The following TMEM232 variants were observed in gnomAD, a reference collection of about 807,000 sequenced individuals.
TMEM232 encodes the protein transmembrane protein 232.
A neutral mutation model predicts 78.8 loss-of-function variants in TMEM232; 80 were observed. That is an observed-to-expected ratio of 1.01 (90% CI 0.85 to 1.22). TMEM232 has a LOEUF of 1.22. TMEM232 is among the 50% of genes most tolerant of loss of function. TMEM232 has a pLI of 0.00. For missense variants in TMEM232, 881 were observed against 742.2 expected, an observed-to-expected ratio of 1.19 and a Z score of -2.17; for synonymous variants, 297 against 254.3, an observed-to-expected ratio of 1.17 and a Z score of -1.60.
intron 8 of TMEM232, among the ~76,000 whole-genome samples, chr5:110,609,644 C>T (rs1395804680): frequency 1.3e-5 from 2 of 152,016 alleles, no homozygotes; most frequent in African/African-American, 2.4e-5. Context: ...TACAGAAGTG[C>T]ATTTTTTCCT....
chr5:110,601,087 G>A (rs1036685349), intron 10 of TMEM232, among the ~76,000 whole-genome samples: 10 of 152,110 alleles, frequency 6.6e-5, no homozygotes, highest in African/African-American at 2.4e-4. Context: ...TGCAGAAAAG[G>A]CCTTTGATAA....
chr5:110,489,965 A>T (rs914540146), intron 12 of TMEM232, among the ~76,000 whole-genome samples: 1 of 151,886 alleles, frequency 6.6e-6, no homozygotes, highest in Non-Finnish European at 1.5e-5. Context: ...CTCTACTAAA[A>T]ATAGAAAAAT....
rs138204812 is a variant in TMEM232 at position 110,516,772 on chromosome 5, G to A, written c.1703+11816C>T. On this transcript the variant is annotated intron_variant, in intron 12 of 13. Transcript: ENST00000455884. Reference sequence around the variant, plus strand: ...GCAAGCCATTCAGAGCAAAACATGTGTTCATAGACAAATTAAAGACAAAAT... The same window carrying A: ...GCAAGCCATTCAGAGCAAAACATGTATTCATAGACAAATTAAAGACAAAAT... Among the ~76,000 whole-genome samples, 485 of 152,130 alleles carry A rather than the reference G, an allele frequency of 3.2e-3. 2 individuals carry two copies. Among genetic ancestry groups the A allele is most frequent in the African/African-American group, 0.011 (467 of 41,512 alleles).
intron 12 of TMEM232, among the ~76,000 whole-genome samples, chr5:110,498,650 T>G (rs1221224530): frequency 6.6e-6 from 1 of 152,154 alleles, no homozygotes; most frequent in Non-Finnish European, 1.5e-5. Flanking sequence ...TGACTTCACT[T>G]AAGGGAACAC....
chr5:110,505,496 TTTTTC>T (rs1400907088), intron 12 of TMEM232, among the ~76,000 whole-genome samples: 1 of 152,032 alleles, frequency 6.6e-6, no homozygotes, highest in African/African-American at 2.4e-5. Flanking sequence ...ATACACATTG[TTTTTC>T]TTTTCTTTTC....
At chr5:110,455,066 G>A (rs2149343337) in intron 12 of TMEM232, among the ~76,000 whole-genome samples, 1 of 152,134 alleles carries the variant, frequency 6.6e-6, no homozygotes, top group South Asian at 2.1e-4. Flanking sequence ...CAAATTCCTT[G>A]AAAGGTATAA....
chr5:110,633,780 A>T (rs1366061989), intron 5 of TMEM232, among the ~76,000 whole-genome samples: 1 of 152,192 alleles, frequency 6.6e-6, no homozygotes, highest in Non-Finnish European at 1.5e-5. Context: ...TCTTTATAGC[A>T]GTGTGAAAAT....
chr5:110,724,296 C>A (rs1319762849), intron 1 of TMEM232, among the ~76,000 whole-genome samples: 1 of 152,172 alleles, frequency 6.6e-6, no homozygotes, highest in African/African-American at 2.4e-5. Flanking sequence ...GTAAACCACA[C>A]TGTAGAACAA....
At chr5:110,591,994 T>C (rs1164184432) in intron 10 of TMEM232, among the ~76,000 whole-genome samples, 2 of 152,264 alleles carry the variant, frequency 1.3e-5, no homozygotes, top group Admixed American at 6.5e-5. Flanking sequence ...TTATTACTAA[T>C]GATCATGCAT....
At chr5:110,584,967 A>T (rs1205220396) in intron 10 of TMEM232, among the ~76,000 whole-genome samples, 2 of 152,262 alleles carry the variant, frequency 1.3e-5, no homozygotes, top group East Asian at 3.9e-4. Context: ...AATACTTTGG[A>T]AACATTGCAT....
intron 1 of TMEM232, among the ~76,000 whole-genome samples, chr5:110,715,260 T>A (rs905817468): frequency 1.3e-5 from 2 of 151,726 alleles, no homozygotes; most frequent in Non-Finnish European, 2.9e-5. Flanking sequence ...TCAATAGAGA[T>A]GAAACAGTAA....
At chr5:110,620,007 TA>T (rs1228052059) in intron 7 of TMEM232, among the ~76,000 whole-genome samples, 1 of 152,162 alleles carries the variant, frequency 6.6e-6, no homozygotes, top group Non-Finnish European at 1.5e-5. Context: ...TAATCATAGA[TA>T]TTGCAGGACT....
chr5:110,665,839 G>C (rs1032784667), intron 2 of TMEM232, among the ~76,000 whole-genome samples: 2 of 146,352 alleles, frequency 1.4e-5, no homozygotes, highest in African/African-American at 5.1e-5. Flanking sequence ...CCGATCACTT[G>C]AGGCCAGGAG....
intron 2 of TMEM232, among the ~76,000 whole-genome samples, chr5:110,411,104 C>T (rs935773421): frequency 4.6e-5 from 7 of 152,044 alleles, no homozygotes; most frequent in South Asian, 2.1e-4. Flanking sequence ...TGCACCATGA[C>T]GAATAAAAAG....
intron 11 of TMEM232, among the ~76,000 whole-genome samples, chr5:110,544,604 C>A (rs972905895): frequency 2.0e-5 from 3 of 152,238 alleles, no homozygotes; most frequent in Middle Eastern, 6.8e-3. Flanking sequence ...GCTACAAATT[C>A]TCTTCCCTTC....
intron 5 of TMEM232, 135 bp from the exon 6 acceptor site, chr5:110,628,015 T>A: frequency 1.5e-6 from 1 of 688,248 alleles, no homozygotes; most frequent in South Asian, 1.9e-5. Flanking sequence ...TATTATGTGG[T>A]TTTTAAATAA....
In TMEM232 at chr5:110,447,395, T is replaced by G. The variant is rs1580717701; in HGVS notation, c.1704-22479A>C. On this transcript the variant is annotated intron_variant, in intron 12 of 13. Transcript: ENST00000455884. ...TCACTGTGCCACCTAGCTGCACATC[T>G]AAGTAGGGGCTTCGACTAGTACACA... Among the ~76,000 whole-genome samples, 3 of 152,114 alleles carry G rather than the reference T, an allele frequency of 2.0e-5. No homozygotes were observed. The South Asian group carries it at 6.2e-4, about 32-fold the overall frequency.
At chr5:110,466,284 C>T (rs780020578) in intron 12 of TMEM232, among the ~76,000 whole-genome samples, 4 of 152,062 alleles carry the variant, frequency 2.6e-5, no homozygotes, top group Admixed American at 6.5e-5. Flanking sequence ...AAACAGAATA[C>T]CAAGATAATG....
chr5:110,531,719 T>G (rs1257005706), intron 11 of TMEM232, among the ~76,000 whole-genome samples: 1 of 152,198 alleles, frequency 6.6e-6, no homozygotes, highest in Non-Finnish European at 1.5e-5. Flanking sequence ...ATGCTCCTTT[T>G]TCTTTATCCC....
Sources: gnomAD v4.1 joint callset for allele counts (sites outside exome capture counted in the v4.1 genomes callset) on GRCh38, gnomAD v4.1.1 for gene constraint, MANE v1.5 for transcripts, NCBI Gene and HGNC (gene_info 2026-07-23, HGNC 2026-07-21) for gene names.